Variants in MMP11 observed in about 807,000 individuals in gnomAD.
MMP11 encodes the protein matrix metallopeptidase 11, also known as stromelysin-3.
Under a neutral mutation model 49.5 loss-of-function variants are expected in MMP11, and 26 were observed. The ratio of observed to expected loss-of-function variants is 0.52; its 90% CI spans 0.38 to 0.73. The LOEUF (loss-of-function observed/expected upper bound fraction) is 0.73, where lower values mean the gene tolerates loss of function less well. MMP11 is among the 30% of genes least tolerant of loss of function. MMP11 has a pLI of 0.00. For missense variants in MMP11, 624 were observed against 671.2 expected, an observed-to-expected ratio of 0.93 and a Z score of 0.78; for synonymous variants, 265 against 282.3, an observed-to-expected ratio of 0.94 and a Z score of 0.62.
At chr22:23,778,885 A>C (rs1927507019) in intron 1 of MMP11, among the ~76,000 whole-genome samples, 1 of 152,280 alleles carries the variant, frequency 6.6e-6, no homozygotes, top group South Asian at 2.1e-4. Flanking sequence ...GCTCATAGCC[A>C]GTCCCAGTGT....
Position 23,782,350 on chromosome 22 carries a change from C to G in MMP11, c.1200C>G (p.Ile400Met). 6.2e-7 allele frequency: 1 copy of G among 1,614,048 alleles called. No individual in the cohort carries two copies. Among genetic ancestry groups the G allele is most frequent in the Non-Finnish European group, 8.5e-7 (1 of 1,180,016 alleles). The change falls in exon 7 of 8, where the codon ATC (isoleucine) becomes ATG (methionine). Residue 400 changes from isoleucine to methionine, a missense_variant. Ile to Met is a conservative substitution (Grantham distance 10). Transcript: ENST00000215743. ...TCTGGGGTCCCGAGAAGAACAAGAT[C>G]TACTTCTTCCGAGGCAGGGACTACT... The part of the protein sequence containing the change: ...ALVWGPEKNK[I>M]YFFRGRDYWR...
At chr22:23,781,133 C>G in intron 5 of MMP11, 33 bp downstream of exon 5, 2 of 1,606,526 alleles carry the variant, frequency 1.2e-6, no homozygotes, top group South Asian at 2.2e-5. Context: ...CCCTACTCCT[C>G]TGCTGGCCAC....
chr22:23,781,232 G>A lies in MMP11; in HGVS notation c.898G>A (p.Ala300Thr), dbSNP rs1215628247. The A allele has an allele frequency of 5.6e-6, 9 of 1,611,440 alleles. No homozygotes were observed. Among genetic ancestry groups the A allele is most frequent in the Non-Finnish European group, 7.6e-6 (9 of 1,180,034 alleles). Residue 300 changes from alanine (A) to threonine (T), a missense_variant, in exon 6 of 8, where the codon GCG (alanine) becomes ACG (threonine). Transcript: ENST00000215743. ...PPDACEASFD[A>T]VSTIRGELFF... is the part of the protein sequence containing the mutation. ...AGATGCCTGTGAGGCCTCCTTTGAC[G>A]CGGTCTCCACCATCCGAGGCGAGCT...
In MMP11 at chr22:23,782,499, G is replaced by A; in HGVS notation, c.1333+16G>A. The A allele has an allele frequency of 6.3e-7, 1 of 1,593,944 alleles. No homozygotes were observed. The highest frequency in any genetic ancestry group is 8.6e-7 in the Non-Finnish European group (1 of 1,168,968). On this transcript the variant is annotated intron_variant, in intron 7 of 7. Transcript: ENST00000215743. The stretch of plus-strand genomic sequence containing the variant: ...GATGCTGATGGTGCGTTGGGGGTGA[G>A]GCAGCTGGTGGGAGGTGGGCACAGC...
chr22:23,783,290 C>A, intron 7 of MMP11, 121 bp from the exon 8 acceptor site: 1 of 1,222,514 alleles, frequency 8.2e-7, no homozygotes, highest in Non-Finnish European at 1.2e-6. Context: ...TCGAGGAACT[C>A]AGCAGTGGCC....
In MMP11 at chr22:23,780,132, C is replaced by T. The variant is rs1927562570; in HGVS notation, c.339-227C>T. ...GGTCTCGGGACCCCTGGTCCTGGTT[C>T]TTTCCACTGAATTCAGACACTTGTA... is the stretch of plus-strand genomic sequence containing the variant. On this transcript the variant is annotated intron_variant, in intron 2 of 7. Transcript: ENST00000215743. This position sits in a 1 kb window ranked among gnomAD's most constrained non-coding sequence, Gnocchi z 4.6. 1 of 595,458 alleles carries T rather than the reference C, an allele frequency of 1.7e-6. No homozygotes were observed. The highest frequency in any genetic ancestry group is 3.0e-6 in the Non-Finnish European group (1 of 338,690). The allele number at this position is 595,458 out of a possible 1,614,324, so 36.9% of individuals were successfully genotyped here.
chr22:23,781,534 G>A (rs1422815266), intron 6 of MMP11, 125 bp downstream of exon 6: 3 of 912,510 alleles, frequency 3.3e-6, no homozygotes, highest in African/African-American at 1.7e-5. Context: ...CCAAAGCCTG[G>A]GGGCCGAGGG....
At chr22:23,781,504 A>C in intron 6 of MMP11, 95 bp downstream of exon 6, 1 of 1,213,644 alleles carries the variant, frequency 8.2e-7, no homozygotes, top group Non-Finnish European at 1.2e-6. Flanking sequence ...TTAGGGACAC[A>C]GTGGATAGGG....
intron 7 of MMP11, chr22:23,782,734 A>C: frequency 1.8e-6 from 1 of 563,366 alleles, no homozygotes. Flanking sequence ...AGAACAATAA[A>C]CTGCTGTACA....
At position 23,772,857 on chromosome 22, in the gene MMP11, C is replaced by A; in HGVS notation, c.-14C>A. On this transcript the variant is annotated 5_prime_UTR_variant, in exon 1 of 8. Coordinates refer to ENST00000215743, the MANE Select transcript of MMP11 (RefSeq NM_005940.5). ...GCCCGGAGCGGCCCAGCAAGCCCAG[C>A]AGCCCCGGGGCGGATGGCTCCGGCC... 1 of 1,150,502 alleles carries A rather than the reference C, an allele frequency of 8.7e-7. No homozygotes were observed. The highest frequency in any genetic ancestry group is 1.1e-6 in the Non-Finnish European group (1 of 935,746). The allele number at this position is 1,150,502 out of a possible 1,614,324, so 71.3% of individuals were successfully genotyped here. A position where few individuals can be genotyped will look rare whatever the true frequency, so the allele number is the denominator to read the frequency against.
chr22:23,779,122 A>G, intron 1 of MMP11, 65 bp from the exon 2 acceptor site: 2 of 1,310,650 alleles, frequency 1.5e-6, no homozygotes, highest in African/African-American at 2.9e-5. Context: ...GACAGGCCAC[A>G]TCTCTAACTG....
intron 1 of MMP11, among the ~76,000 whole-genome samples, chr22:23,774,878 C>T (rs1927356281): frequency 6.6e-6 from 1 of 152,204 alleles, no homozygotes; most frequent in African/African-American, 2.4e-5. Flanking sequence ...TGGTGCCTCC[C>T]ATTTTCTGGA....
Position 23,772,877 on chromosome 22 carries a change from C to T in MMP11, c.7C>T (p.Pro3Ser). 6 of 1,159,056 alleles carry T rather than the reference C, an allele frequency of 5.2e-6. No homozygotes were observed. Among genetic ancestry groups the T allele is most frequent in the Non-Finnish European group, 6.4e-6 (6 of 941,692 alleles). 71.8% of individuals were successfully genotyped at this position (1,159,056 alleles called of 1,614,324 possible). A position where few individuals can be genotyped will look rare whatever the true frequency, so the allele number is the denominator to read the frequency against. Residue 3 changes from proline to serine, a missense_variant, in exon 1 of 8, where the codon CCG becomes TCG. Coordinates refer to ENST00000215743, the MANE Select transcript of MMP11 (RefSeq NM_005940.5). Reference protein sequence around the residue: MAPAAWLRSAAAR... With the variant: MASAAWLRSAAAR... ...CCCAGCAGCCCCGGGGCGGATGGCTCCGGCCGCCTGGCTCCGCAGCGCGGC... is the reference window on the plus strand; with the variant it reads ...CCCAGCAGCCCCGGGGCGGATGGCTTCGGCCGCCTGGCTCCGCAGCGCGGC...
chr22:23,779,680 C>T (rs28363654), intron 2 of MMP11: 65 of 539,056 alleles, frequency 1.2e-4, no homozygotes, highest in Admixed American at 5.3e-4. Flanking sequence ...TGCCTGCGGA[C>T]GGGTGTTCAG....
chr22:23,773,105 C>A lies in MMP11; in HGVS notation c.108+127C>A, dbSNP rs1184427355. Reference sequence around the variant, plus strand: ...CCTCCAGCGCCCGGTACCCGAAACGCTTTCTGGTTCCCTCTAGGCGTGATA... The same window carrying A: ...CCTCCAGCGCCCGGTACCCGAAACGATTTCTGGTTCCCTCTAGGCGTGATA... On this transcript the variant is annotated intron_variant, in intron 1 of 7. Coordinates refer to ENST00000215743, the MANE Select transcript of MMP11 (RefSeq NM_005940.5). The A allele has an allele frequency of 3.0e-6, 3 of 1,009,552 alleles. No individual in the cohort carries two copies. The African/African-American group carries it at 5.2e-5, about 17-fold the overall frequency. The allele number at this position is 1,009,552 out of a possible 1,614,324, so 62.5% of individuals were successfully genotyped here.
chr22:23,782,583 G>T, intron 7 of MMP11, 100 bp downstream of exon 7: 1 of 1,413,500 alleles, frequency 7.1e-7, no homozygotes. Context: ...AGGAAGTCTG[G>T]CTCTTCATCA....
At chr22:23,776,281 G>C (rs373288435) in intron 1 of MMP11, among the ~76,000 whole-genome samples, 1 of 152,316 alleles carries the variant, frequency 6.6e-6, no homozygotes, top group East Asian at 1.9e-4. Context: ...TCCCAGGGGA[G>C]AGCACAGCTC....
At position 23,783,678 on chromosome 22, in the gene MMP11, G is replaced by A. The variant is rs760163517; in HGVS notation, c.*134G>A. 8 of 1,272,114 alleles carry A rather than the reference G, an allele frequency of 6.3e-6. No individual in the cohort carries two copies. The South Asian group carries it at 1.0e-4, about 17-fold the overall frequency. The allele number at this position is 1,272,114 out of a possible 1,614,324, so 78.8% of individuals were successfully genotyped here. A position where few individuals can be genotyped will look rare whatever the true frequency, so the allele number is the denominator to read the frequency against. On this transcript the variant is annotated 3_prime_UTR_variant, in exon 8 of 8. Coordinates refer to ENST00000215743, the MANE Select transcript of MMP11 (RefSeq NM_005940.5). Reference sequence around the variant, plus strand: ...CCATGTCTCCTCAGGGGGATGGGGTGGGGTACAACCACCATGACAACTGCC... The same window carrying A: ...CCATGTCTCCTCAGGGGGATGGGGTAGGGTACAACCACCATGACAACTGCC...
At chr22:23,775,643 G>A (rs553218800) in intron 1 of MMP11, among the ~76,000 whole-genome samples, 1 of 152,368 alleles carries the variant, frequency 6.6e-6, no homozygotes, top group Admixed American at 6.5e-5. Context: ...GAACAAGACA[G>A]GGACAGGGAG....
Sources: gnomAD v4.1 joint callset for allele counts (sites outside exome capture counted in the v4.1 genomes callset) on GRCh38, gnomAD v4.1.1 for gene constraint, Gnocchi (gnomAD v3.1) non-coding constraint, MANE v1.5 for transcripts, NCBI Gene and HGNC (gene_info 2026-07-23, HGNC 2026-07-21) for gene names.